Variants in SYN3 observed in about 807,000 individuals in gnomAD.
SYN3 encodes the protein synapsin-3.
A neutral mutation model predicts 65.8 loss-of-function variants in SYN3; 35 were observed. That is an observed-to-expected ratio of 0.53 (90% CI 0.41 to 0.70). SYN3 has a LOEUF of 0.70. Ranked by LOEUF, SYN3 falls within the 30% of genes least tolerant of loss-of-function variation. The pLI, the probability that SYN3 is intolerant of heterozygous loss-of-function variation, is 0.00. For missense variants in SYN3, 680 were observed against 749.0 expected (o/e 0.91, Z 1.08); for synonymous variants, 270 against 292.9 (o/e 0.92, Z 0.80).
intron 6 of SYN3, among the ~76,000 whole-genome samples, chr22:32,713,682 T>A (rs1361757286): frequency 2.0e-5 from 3 of 151,896 alleles, no homozygotes; most frequent in South Asian, 2.1e-4. Context: ...TACAAAAAAA[T>A]TAGCTGGGCA....
intron 3 of SYN3, among the ~76,000 whole-genome samples, chr22:32,935,314 A>T (rs1219436950): frequency 6.6e-6 from 1 of 151,122 alleles, no homozygotes; most frequent in African/African-American, 2.5e-5. Flanking sequence ...TCTCTCACAC[A>T]CACACACACA....
chr22:32,528,861 G>C lies in SYN3; in HGVS notation c.1230+13C>G. 1 of 1,614,058 alleles carries C rather than the reference G, an allele frequency of 6.2e-7. No individual in the cohort carries two copies. The highest frequency in any genetic ancestry group is 8.5e-7 in the Non-Finnish European group (1 of 1,180,000). On this transcript the variant is annotated intron_variant, in intron 11 of 13. Transcript: ENST00000358763. The stretch of plus-strand genomic sequence containing the variant: ...CATGGCTATAAAGTCTCCTTTGATC[G>C]TGAGGGTCTTACCCAAGGTCTGAGG...
At chr22:32,795,206 A>G (rs570133252) in intron 6 of SYN3, among the ~76,000 whole-genome samples, 1 of 152,348 alleles carries the variant, frequency 6.6e-6, no homozygotes, top group East Asian at 1.9e-4. Flanking sequence ...TCAGATTTAT[A>G]TTTTAAAAAA....
At chr22:32,702,829 A>G (rs2147207533) in intron 6 of SYN3, among the ~76,000 whole-genome samples, 1 of 152,356 alleles carries the variant, frequency 6.6e-6, no homozygotes, top group East Asian at 1.9e-4. Context: ...CTTATTATCA[A>G]AATCGAATTT....
At chr22:32,600,066 T>C (rs1197349684) in intron 6 of SYN3, among the ~76,000 whole-genome samples, 3 of 152,164 alleles carry the variant, frequency 2.0e-5, no homozygotes, top group East Asian at 1.9e-4. Flanking sequence ...TTCCAGAGCA[T>C]TGCATTTATT....
chr22:32,934,312 G>A (rs2146712767), intron 3 of SYN3, among the ~76,000 whole-genome samples: 1 of 152,320 alleles, frequency 6.6e-6, no homozygotes. Context: ...CCCAAGGGCT[G>A]TCTCGCTGCC....
intron 6 of SYN3, among the ~76,000 whole-genome samples, chr22:32,799,421 G>GA (rs1272332836): frequency 6.6e-6 from 1 of 152,096 alleles, no homozygotes; most frequent in African/African-American, 2.4e-5. Context: ...GTAGCTGCTG[G>GA]AAAAAAACGC....
Position 32,809,409 on chromosome 22 carries a change from C to T in SYN3, c.711+55506G>A, listed in dbSNP as rs2046852314. Among the ~76,000 whole-genome samples the T allele has an allele frequency of 2.6e-5, 4 of 152,184 alleles. No homozygotes were observed. The South Asian group carries it at 6.2e-4, about 24-fold the overall frequency. ...TTCTTCCTCTCCAGACATGCCTTCC[C>T]TGCTGCCCCCAAATTTTATTACTGT... On this transcript the variant is annotated intron_variant, in intron 6 of 13. Coordinates refer to ENST00000358763, the MANE Select transcript of SYN3 (RefSeq NM_003490.4).
At chr22:33,051,422 C>A (rs768026866) in intron 1 of SYN3, among the ~76,000 whole-genome samples, 13 of 152,186 alleles carry the variant, frequency 8.5e-5, no homozygotes, top group Non-Finnish European at 1.8e-4. Context: ...CAGTTTTCCT[C>A]AGCTGCTCTG....
chr22:32,807,330 ATTT>A (rs1361232457), intron 6 of SYN3, among the ~76,000 whole-genome samples: 3 of 68,738 alleles, frequency 4.4e-5, no homozygotes, highest in Non-Finnish European at 7.7e-5. Flanking sequence ...TAAATATATA[ATTT>A]ATATATAATA....
intron 6 of SYN3, among the ~76,000 whole-genome samples, chr22:32,765,595 A>T (rs1375858482): frequency 6.6e-6 from 1 of 152,150 alleles, no homozygotes; most frequent in Non-Finnish European, 1.5e-5. Context: ...TCGCATAGCA[A>T]GGAGGGTTCG....
chr22:32,781,914 C>G (rs1481640464), intron 6 of SYN3, among the ~76,000 whole-genome samples: 1 of 152,030 alleles, frequency 6.6e-6, no homozygotes, highest in African/African-American at 2.4e-5. Context: ...ACAGAACAGA[C>G]AAGCAATGTC....
At chr22:33,020,358 A>G (rs1456112719) in intron 1 of SYN3, among the ~76,000 whole-genome samples, 1 of 152,098 alleles carries the variant, frequency 6.6e-6, no homozygotes, top group Admixed American at 6.5e-5. Flanking sequence ...TCTTGGCAGG[A>G]CCTTGTCATT....
At chr22:32,647,858 C>T (rs111669632) in intron 6 of SYN3, among the ~76,000 whole-genome samples, 2,205 of 152,198 alleles carry the variant, frequency 0.014, 14 homozygotes, top group Middle Eastern at 0.027. Context: ...CCGCCCACCT[C>T]GGCCTCCCAA....
At chr22:32,886,477 G>A (rs2049291170) in intron 4 of SYN3, among the ~76,000 whole-genome samples, 4 of 152,104 alleles carry the variant, frequency 2.6e-5, no homozygotes, top group African/African-American at 2.4e-5. Context: ...TTTCCTCATC[G>A]GTAAAAAGGG....
chr22:32,847,417 C>T (rs1204087611), intron 6 of SYN3, among the ~76,000 whole-genome samples: 1 of 152,170 alleles, frequency 6.6e-6, no homozygotes, highest in Non-Finnish European at 1.5e-5. Context: ...TTTGAGCTGC[C>T]TCCGCTAAAT....
intron 6 of SYN3, among the ~76,000 whole-genome samples, chr22:32,792,537 C>G (rs1441593136): frequency 6.6e-6 from 1 of 152,182 alleles, no homozygotes; most frequent in Non-Finnish European, 1.5e-5. Flanking sequence ...ACCAGCTTGC[C>G]TCTGGTTCTG....
At chr22:32,638,650 TA>T (rs1275387131) in intron 6 of SYN3, among the ~76,000 whole-genome samples, 1 of 152,254 alleles carries the variant, frequency 6.6e-6, no homozygotes, top group Non-Finnish European at 1.5e-5. Context: ...ACAATTTTTT[TA>T]AATGGGGCTA....
In SYN3 at chr22:33,015,242, A is replaced by AAAAAAAAAAT. The variant is rs56343315; in HGVS notation, c.-162-8419_-162-8418insATTTTTTTTT. Reference sequence around the variant, plus strand: ...TCTCAAAAAAAAAAAAAAAAAAAAAACTACTGTATCTTGGACGAGACTATC... The same window carrying AAAAAAAAAAT: ...TCTCAAAAAAAAAAAAAAAAAAAAAAAAAAAAAAATCTACTGTATCTTGGACGAGACTATC... On this transcript the variant is annotated intron_variant, in intron 1 of 13. Transcript: ENST00000358763. 1.4e-3 allele frequency: 313 copies of AAAAAAAAAAT among 216,166 alleles called. 14 individuals are homozygous for AAAAAAAAAAT. The highest frequency in any genetic ancestry group is 3.5e-3 in the South Asian group (62 of 17,846). The allele number at this position is 216,166 out of a possible 1,614,324, so 13.4% of individuals were successfully genotyped here.
Sources: allele counts gnomAD v4.1 joint callset (sites outside exome capture counted in the v4.1 genomes callset), GRCh38; gene constraint gnomAD v4.1.1; transcripts MANE v1.5; gene names NCBI Gene and HGNC (gene_info 2026-07-23, HGNC 2026-07-21).